The following SLC1A7 variants were observed in gnomAD, a reference collection of about 807,000 sequenced individuals.
SLC1A7 encodes the protein solute carrier family 1 member 7, also known as excitatory amino acid transporter 5.
Under a neutral mutation model 47.7 loss-of-function variants are expected in SLC1A7, and 40 were observed. The observed-to-expected ratio is 0.84, with a 90% CI of 0.65 to 1.09. The LOEUF (loss-of-function observed/expected upper bound fraction) is 1.09. SLC1A7 is among the 50% of genes least tolerant of loss of function. SLC1A7 has a pLI of 0.00. For missense variants in SLC1A7, 746 were observed against 769.5 expected, an observed-to-expected ratio of 0.97 and a Z score of 0.36; for synonymous variants, 323 against 325.6, an observed-to-expected ratio of 0.99 and a Z score of 0.09.
rs547330073 is a variant in SLC1A7 at position 53,108,616 on chromosome 1, C to T, written c.432-2842G>A. On this transcript the variant is annotated intron_variant, in intron 3 of 10. Coordinates refer to ENST00000371494, the MANE Select transcript of SLC1A7 (RefSeq NM_006671.6). ...AGCCAGGACCCTTTGGTCCGTTCCT[C>T]CAACTTTCTTCTTTCTGCCTGGAAC... 20 of 717,950 alleles carry T rather than the reference C, an allele frequency of 2.8e-5. No homozygotes were observed. In the African/African-American group the frequency reaches 2.8e-4, roughly 10 times the overall value. The allele number at this position is 717,950 out of a possible 1,614,324, so 44.5% of individuals were successfully genotyped here.
chr1:53,110,967 G>A (rs751560798), intron 3 of SLC1A7, among the ~76,000 whole-genome samples: 13 of 152,116 alleles, frequency 8.5e-5, no homozygotes, highest in African/African-American at 2.4e-4. Flanking sequence ...CAAACTCTGC[G>A]CACCCACTCG....
At chr1:53,123,984 GCCT>G (rs1644853078) in intron 2 of SLC1A7, among the ~76,000 whole-genome samples, 1 of 152,218 alleles carries the variant, frequency 6.6e-6, no homozygotes, top group Non-Finnish European at 1.5e-5. Flanking sequence ...CCGCTCCTCT[GCCT>G]CCTCCTGCTC....
rs1222625240 is a variant in SLC1A7 at position 53,088,083 on chromosome 1, G to A, written c.1609C>T (p.Gln537Ter). The change falls in exon 11 of 11, where the codon CAG becomes TAG. Residue 537 changes from glutamine to a stop codon, truncating the protein, a stop_gained. Coordinates refer to ENST00000371494, the MANE Select transcript of SLC1A7 (RefSeq NM_006671.6). LOFTEE classifies it high-confidence loss of function. ...CTCGCAGCGGGCAGCTCCTCATCCT[G>A]CTCCACTTGAACGGGGACGTGGTGG... ...CPHHVPVQVE[Q>*]DEELPAASLN... The A allele has an allele frequency of 1.1e-5, 18 of 1,609,996 alleles. No individual in the cohort carries two copies. The highest frequency in any genetic ancestry group is 1.5e-5 in the Non-Finnish European group (18 of 1,177,568).
rs1399297006 is a variant in SLC1A7, at chr1:53,136,677, T to C, written c.136-2248A>G. The stretch of plus-strand genomic sequence containing the variant: ...TTATATATATATATATTTTTTTTTT[T>C]TTTTTTTGAGACAAGGTCTCATTCT... On this transcript the variant is annotated intron_variant, in intron 1 of 10. Coordinates refer to ENST00000371494, the MANE Select transcript of SLC1A7 (RefSeq NM_006671.6). Among the ~76,000 whole-genome samples, 3 of 140,664 alleles carry C rather than the reference T, an allele frequency of 2.1e-5. No individual in the cohort carries two copies. The East Asian group carries it at 6.0e-4, about 28-fold the overall frequency. 92.3% of individuals were successfully genotyped at this position (140,664 alleles called of 152,430 possible). A position where few individuals can be genotyped will look rare whatever the true frequency, so the allele number is the denominator to read the frequency against.
chr1:53,093,740 C>T (rs45616737), intron 5 of SLC1A7, among the ~76,000 whole-genome samples, 180 bp from the exon 6 acceptor site: 8 of 107,028 alleles, frequency 7.5e-5, no homozygotes, highest in African/African-American at 1.7e-4. Flanking sequence ...CTCTCACGTC[C>T]TCCTCTCTCA....
intron 3 of SLC1A7, chr1:53,108,421 T>A: frequency 1.6e-6 from 1 of 615,896 alleles, no homozygotes; most frequent in Non-Finnish European, 2.9e-6. Flanking sequence ...TAGTTGCCTA[T>A]GCAGTCTCCA....
At chr1:53,116,571 G>A (rs1380538367) in intron 2 of SLC1A7, among the ~76,000 whole-genome samples, 1 of 152,178 alleles carries the variant, frequency 6.6e-6, no homozygotes, top group Non-Finnish European at 1.5e-5. Context: ...GCTCATAATG[G>A]GATTGTGCAG....
chr1:53,100,578 A>T (rs967077356), intron 5 of SLC1A7, among the ~76,000 whole-genome samples: 1 of 150,578 alleles, frequency 6.6e-6, no homozygotes, highest in East Asian at 2.0e-4. Flanking sequence ...ACACATACAC[A>T]TACCACCTCA....
At chr1:53,093,780 T>G (rs1644453780) in intron 5 of SLC1A7, among the ~76,000 whole-genome samples, 1 of 151,118 alleles carries the variant, frequency 6.6e-6, no homozygotes, top group East Asian at 2.0e-4. Context: ...CAATGTCACC[T>G]CCTCAGGATA....
At chr1:53,098,197 C>T (rs767105695) in intron 5 of SLC1A7, among the ~76,000 whole-genome samples, 2 of 151,178 alleles carry the variant, frequency 1.3e-5, no homozygotes, top group Non-Finnish European at 3.0e-5. Context: ...TGCCTCAATA[C>T]ACAAACATGC....
intron 5 of SLC1A7, among the ~76,000 whole-genome samples, chr1:53,100,401 C>A (rs1352502559): frequency 1.3e-5 from 2 of 151,732 alleles, no homozygotes; most frequent in Non-Finnish European, 2.9e-5. Flanking sequence ...CACACCCCGC[C>A]TCAGTACACT....
rs780103564 is a variant in SLC1A7, at chr1:53,114,720, C to T, written c.431+38G>A. The T allele has an allele frequency of 8.2e-6, 13 of 1,581,964 alleles. No individual in the cohort carries two copies. In the African/African-American group the frequency reaches 1.6e-4, roughly 20 times the overall value. On this transcript the variant is annotated intron_variant, in intron 3 of 10. Coordinates refer to ENST00000371494, the MANE Select transcript of SLC1A7 (RefSeq NM_006671.6). ...GGGACCTGGCAGGGCAGGCTCGGGC[C>T]TGGCGTTCCCAAGCGGGGTGTGGGT...
intron 2 of SLC1A7, among the ~76,000 whole-genome samples, chr1:53,121,824 T>G (rs896025996): frequency 1.3e-5 from 2 of 152,274 alleles, no homozygotes; most frequent in Non-Finnish European, 2.9e-5. Flanking sequence ...GTGAGTCACC[T>G]GGGACGCGGG....
intron 1 of SLC1A7, among the ~76,000 whole-genome samples, chr1:53,138,029 G>C (rs573981410): frequency 2.2e-4 from 33 of 152,298 alleles, no homozygotes; most frequent in African/African-American, 2.9e-4. Context: ...GTCCTTACAT[G>C]AGTAAAAATG....
chr1:53,119,152 A>C (rs1442985918), intron 2 of SLC1A7, among the ~76,000 whole-genome samples: 2 of 152,150 alleles, frequency 1.3e-5, no homozygotes, highest in Non-Finnish European at 2.9e-5. Context: ...TCTGAGTTAC[A>C]GATGGGGAAA....
intron 5 of SLC1A7, 192 bp downstream of exon 5, chr1:53,103,154 A>G (rs1235333821): frequency 2.3e-5 from 12 of 525,642 alleles, no homozygotes; most frequent in African/African-American, 2.2e-4. Context: ...GGGAGGTGCC[A>G]GGGGGAAGCC....
chr1:53,103,307 C>T (rs1464178087), intron 5 of SLC1A7, 39 bp downstream of exon 5: 8 of 1,486,370 alleles, frequency 5.4e-6, no homozygotes, highest in East Asian at 2.4e-5. Context: ...GCTGGGGGCC[C>T]GGCTCCACGG....
intron 6 of SLC1A7, 33 bp from the exon 7 acceptor site, chr1:53,092,820 C>T (rs1291814186): frequency 1.4e-6 from 2 of 1,432,154 alleles, no homozygotes; most frequent in Non-Finnish European, 2.0e-6. Context: ...GCTCAGGAAC[C>T]AGGCAGGCAG....
chr1:53,133,592 A>T (rs1408166194), intron 2 of SLC1A7, among the ~76,000 whole-genome samples: 2 of 152,182 alleles, frequency 1.3e-5, no homozygotes, highest in East Asian at 3.9e-4. Flanking sequence ...CTTAGACACC[A>T]CCTGGAGCAG....
Sources: gnomAD v4.1 joint callset for allele counts (sites outside exome capture counted in the v4.1 genomes callset) on GRCh38, gnomAD v4.1.1 for gene constraint, MANE v1.5 for transcripts, NCBI Gene and HGNC (gene_info 2026-07-23, HGNC 2026-07-21) for gene names.